ZNF839: variants seen among roughly 807,000 people sequenced by gnomAD.
ZNF839 encodes the protein zinc finger protein 839.
Under a neutral mutation model 56.4 loss-of-function variants are expected in ZNF839, and 38 were observed. The ratio of observed to expected loss-of-function variants is 0.67; its 90% CI spans 0.52 to 0.88. The LOEUF is 0.88. ZNF839 is among the 40% of genes least tolerant of loss of function. The pLI is 0.00. For missense variants in ZNF839, 1,091 were observed against 1,177.6 expected, an observed-to-expected ratio of 0.93 and a Z score of 1.08; for synonymous variants, 486 against 493.5, an observed-to-expected ratio of 0.98 and a Z score of 0.20.
At chr14:102,324,087 AGG>A (rs1245234913) in intron 1 of ZNF839, among the ~76,000 whole-genome samples, 3 of 152,252 alleles carry the variant, frequency 2.0e-5, no homozygotes, top group Admixed American at 6.5e-5. Context: ...CATTCAGGAC[AGG>A]GTGAAGAAAC....
Position 102,341,489 on chromosome 14 carries a change from G to A in ZNF839, c.2094G>A (p.Arg698=), listed in dbSNP as rs752596849. ...CTATAGGTGCTGCTCTCTCATCCCG[G>A]GATGTCAGTGGGCTGCCTGTTTATG... The part of the protein sequence containing the change: ...RGSIGAALSS[R]DVSGLPVYAQ... Residue 698 remains arginine (R), a synonymous_variant, in exon 8 of 8, where the codon CGG becomes CGA. Transcript: ENST00000442396. The A allele has an allele frequency of 6.3e-7, 1 of 1,597,688 alleles. No homozygotes were observed. Among genetic ancestry groups the A allele is most frequent in the African/African-American group, 1.3e-5 (1 of 74,534 alleles).
chr14:102,336,596 C>T (rs1885747786), intron 5 of ZNF839: 1 of 424,030 alleles, frequency 2.4e-6, no homozygotes, highest in Non-Finnish European at 4.6e-6. Flanking sequence ...CATCCGGTCC[C>T]CAGTTTTTTT....
In ZNF839 at chr14:102,341,813, G is replaced by A; in HGVS notation, c.2418G>A (p.Val806=). 6.2e-7 allele frequency: 1 copy of A among 1,614,038 alleles called. No homozygotes were observed. Among genetic ancestry groups the A allele is most frequent in the African/African-American group, 1.3e-5 (1 of 75,054 alleles). The part of the protein sequence containing the change: ...AAPPLEKILS[V]DSVAVDCAYR... ...CTCCGCTTGAGAAAATTTTGTCTGTGGATAGCGTGGCAGTGGACTGTGCCT... is the reference window on the plus strand; with the variant it reads ...CTCCGCTTGAGAAAATTTTGTCTGTAGATAGCGTGGCAGTGGACTGTGCCT... Residue 806 remains valine, a synonymous_variant, in exon 8 of 8, where the codon GTG becomes GTA. Transcript: ENST00000442396.
intron 1 of ZNF839, among the ~76,000 whole-genome samples, chr14:102,323,557 G>A (rs2073245392): frequency 2.0e-5 from 3 of 152,158 alleles, no homozygotes; most frequent in African/African-American, 7.2e-5. Flanking sequence ...CCTTTGGTAG[G>A]TGTTTTGCTA....
chr14:102,339,948 C>T (rs1886319095), intron 7 of ZNF839, among the ~76,000 whole-genome samples: 1 of 152,040 alleles, frequency 6.6e-6, no homozygotes, highest in Admixed American at 6.6e-5. Flanking sequence ...CAGAACCTAT[C>T]AACTAGGCAC....
At chr14:102,319,028 G>C (rs2072985991), upstream of ZNF839, among the ~76,000 whole-genome samples, 1 of 152,222 alleles carries the variant, frequency 6.6e-6, no homozygotes, top group South Asian at 2.1e-4. The surrounding 1 kb of genome is among the most constrained non-coding windows in gnomAD (Gnocchi z 4.5). Flanking sequence ...AGGGCGCACA[G>C]AGCCTCAACC....
chr14:102,337,478 T>TA, intron 5 of ZNF839: 1 of 152,300 alleles, frequency 6.6e-6, no homozygotes, highest in East Asian at 1.9e-4. Context: ...CTTATTTTCT[T>TA]AAATTACATA....
rs764103248 is a variant in ZNF839 at position 102,331,573 on chromosome 14, A to G, written c.1192-49A>G. On this transcript the variant is annotated intron_variant, in intron 2 of 7. Transcript: ENST00000442396. ...CCACTAAAAGGTTTTTATGGGGTAT[A>G]TAAAGCATGATTGTTTTATTTTACT... is the stretch of plus-strand genomic sequence containing the variant. 3.5e-5 allele frequency: 54 copies of G among 1,524,990 alleles called. No homozygotes were observed. In the East Asian group the frequency reaches 1.1e-3, roughly 32 times the overall value. 94.5% of individuals were successfully genotyped at this position (1,524,990 alleles called of 1,614,324 possible). A position where few individuals can be genotyped will look rare whatever the true frequency, so the allele number is the denominator to read the frequency against.
intron 1 of ZNF839, among the ~76,000 whole-genome samples, chr14:102,323,069 T>G (rs552825339): frequency 6.6e-6 from 1 of 152,364 alleles, no homozygotes; most frequent in East Asian, 1.9e-4. Context: ...GGATCTTTAT[T>G]CTGTCCTGTG....
chr14:102,331,143 T>A (rs996485466), intron 2 of ZNF839, among the ~76,000 whole-genome samples: 2 of 152,246 alleles, frequency 1.3e-5, no homozygotes. Context: ...GTATTTTAAA[T>A]CTATCCAGTA....
rs1886519000 is a variant in ZNF839, at chr14:102,341,523, G to A, written c.2128G>A (p.Gly710Arg). 17 of 1,606,690 alleles carry A rather than the reference G, an allele frequency of 1.1e-5. No homozygotes were observed. The highest frequency in any genetic ancestry group is 1.3e-5 in the Non-Finnish European group (15 of 1,175,646). The change falls in exon 8 of 8, where the codon GGA becomes AGA. Residue 710 changes from glycine to arginine, a missense_variant. By Grantham distance (125) the Gly-to-Arg change is moderately radical (BLOSUM62 -2). This residue lies in a region of ZNF839 where 431 missense variants were observed against 468.0 expected (regional missense o/e 0.92). Coordinates refer to ENST00000442396, the MANE Select transcript of ZNF839 (RefSeq NM_018335.6). ...TGGGCTGCCTGTTTATGCTCAGTCA[G>A]GAGAGCCTAGGAGGCTGACCCAGGC... ...VSGLPVYAQSGEPRRLTQAQV... is the reference protein window; with the variant it reads ...VSGLPVYAQSREPRRLTQAQV...
Position 102,342,219 on chromosome 14 carries a change from TGGA to T in ZNF839, c.*42_*44del. ...GAAGCTGTGGAGTCGGTCGTCACCG[TGGA>T]GCCAGAGCCCTCACAGTGAAGTGGA... On this transcript the variant is annotated 3_prime_UTR_variant, in exon 8 of 8. Transcript: ENST00000442396. 2.8e-6 allele frequency: 2 copies of T among 702,768 alleles called. No individual in the cohort carries two copies. Among genetic ancestry groups the T allele is most frequent in the Non-Finnish European group, 4.2e-6 (2 of 474,366 alleles). 43.5% of individuals were successfully genotyped at this position (702,768 alleles called of 1,614,324 possible).
At chr14:102,340,121 C>T (rs1459490398) in intron 7 of ZNF839, among the ~76,000 whole-genome samples, 1 of 151,504 alleles carries the variant, frequency 6.6e-6, no homozygotes, top group African/African-American at 2.4e-5. Context: ...TACAGGCACC[C>T]GCCATCATGC....
At chr14:102,318,986 C>CA (rs2139434381), upstream of ZNF839, among the ~76,000 whole-genome samples, 1 of 152,270 alleles carries the variant, frequency 6.6e-6, no homozygotes, top group South Asian at 2.1e-4. Flanking sequence ...GGAGCTGGGA[C>CA]ATGTGTACAC....
chr14:102,339,598 A>G (rs1459127526), intron 7 of ZNF839, among the ~76,000 whole-genome samples: 2 of 152,132 alleles, frequency 1.3e-5, no homozygotes, highest in Non-Finnish European at 2.9e-5. Flanking sequence ...TACAAAAAAA[A>G]CTAGCTGGGT....
chr14:102,331,393 C>T (rs979544269), intron 2 of ZNF839: 11 of 441,098 alleles, frequency 2.5e-5, no homozygotes, highest in South Asian at 9.5e-5. Context: ...GGACTACAGG[C>T]GCGCGCCACC....
upstream of ZNF839, among the ~76,000 whole-genome samples, chr14:102,318,947 C>T (rs532699344): frequency 1.3e-5 from 2 of 152,282 alleles, no homozygotes; most frequent in South Asian, 4.1e-4. Context: ...GTTTGTGGAC[C>T]AGTGGACCTC....
At chr14:102,334,771 T>G (rs1021568127) in intron 4 of ZNF839, 125 bp downstream of exon 4, 1 of 434,250 alleles carries the variant, frequency 2.3e-6, no homozygotes, top group Non-Finnish European at 3.6e-6. Context: ...TGAGACAGGG[T>G]CTTGCTCTGT....
Position 102,332,292 on chromosome 14 carries a change from A to C in ZNF839, c.1416+446A>C, listed in dbSNP as rs937603960. Reference sequence around the variant, plus strand: ...TGGATTACAAGCGCCTGCCAACCACACCCAGCTAATTTTTGTATTTTTAGT... The same window carrying C: ...TGGATTACAAGCGCCTGCCAACCACCCCCAGCTAATTTTTGTATTTTTAGT... On this transcript the variant is annotated intron_variant, in intron 3 of 7. Coordinates refer to ENST00000442396, the MANE Select transcript of ZNF839 (RefSeq NM_018335.6). The surrounding 1 kb of genome is among the most constrained non-coding windows in gnomAD (Gnocchi z 4.9). Among the ~76,000 whole-genome samples, 1 of 151,538 alleles carries C rather than the reference A, an allele frequency of 6.6e-6. No individual in the cohort carries two copies. Among genetic ancestry groups the C allele is most frequent in the African/African-American group, 2.4e-5 (1 of 41,260 alleles).
Sources: gnomAD v4.1 joint callset for allele counts (sites outside exome capture counted in the v4.1 genomes callset) on GRCh38, gnomAD v4.1.1 for gene constraint, gnomAD v4.1.1 regional missense constraint, Gnocchi (gnomAD v3.1) non-coding constraint, MANE v1.5 for transcripts, NCBI Gene and HGNC (gene_info 2026-07-23, HGNC 2026-07-21) for gene names.